Variants in DNAH14 observed in about 807,000 individuals in gnomAD.
DNAH14 encodes axonemal beta dynein heavy chain 14.
A neutral mutation model predicts 520.9 loss-of-function variants in DNAH14; 478 were observed. The observed-to-expected ratio is 0.92, with a 90% confidence interval of 0.85 to 0.99. The LOEUF (loss-of-function observed/expected upper bound fraction) is 0.99. Ranked by LOEUF, DNAH14 falls within the 50% of genes least tolerant of loss-of-function variation. DNAH14 has a pLI of 0.00. For synonymous variants in DNAH14, 1,581 were observed against 1,757.2 expected (o/e 0.90, Z 2.51); for missense variants, 4,831 against 5,234.5 (o/e 0.92, Z 2.38).
At chr1:225,384,992 A>G (rs2095823714) in intron 81 of DNAH14, among the ~76,000 whole-genome samples, 1 of 152,226 alleles carries the variant, frequency 6.6e-6, no homozygotes, top group Non-Finnish European at 1.5e-5. Context: ...AAATACTGGC[A>G]AACCGAATCC....
chr1:225,334,938 C>T lies in DNAH14; in HGVS notation c.10080+1432C>T, dbSNP rs76179936. Among the ~76,000 whole-genome samples the T allele has an allele frequency of 6.5e-3, 958 of 147,878 alleles. 10 individuals are homozygous for T. The highest frequency in any genetic ancestry group is 0.029 in the South Asian group (137 of 4,686). ...TGTATATGTATAGCATATATCTATA[C>T]GATATATGTAGAGACCTCAAGCAAT... On this transcript the variant is annotated intron_variant, in intron 66 of 85. Transcript: ENST00000682510.
chr1:225,246,799 A>G (rs1297875716), intron 43 of DNAH14, among the ~76,000 whole-genome samples: 3 of 152,194 alleles, frequency 2.0e-5, no homozygotes, highest in Non-Finnish European at 2.9e-5. Flanking sequence ...AATTAGCTCA[A>G]TCGTTGTGGA....
rs2095574465 is a variant in DNAH14 at position 225,368,032 on chromosome 1, G to T, written c.12318G>T (p.Gly4106=). 3 of 1,544,062 alleles carry T rather than the reference G, an allele frequency of 1.9e-6. No homozygotes were observed. The highest frequency in any genetic ancestry group is 2.6e-6 in the Non-Finnish European group (3 of 1,143,208). The change falls in exon 77 of 86, where the codon GGG becomes GGT. Residue 4106 remains glycine (G), a splice_region_variant and synonymous_variant. Coordinates refer to ENST00000682510, the MANE Select transcript of DNAH14 (RefSeq NM_001367479.1). ...ATAAATTTAATTCTTCAGACTTGGGGGTAAGTGTAGTCTCTTCAAACAAAC... is the reference window on the plus strand; with the variant it reads ...ATAAATTTAATTCTTCAGACTTGGGTGTAAGTGTAGTCTCTTCAAACAAAC... ...IAYKFNSSDL[G]VAIKVLENSL...
At chr1:225,291,136 C>T (rs183876000) in intron 55 of DNAH14, among the ~76,000 whole-genome samples, 4 of 152,194 alleles carry the variant, frequency 2.6e-5, no homozygotes, top group Non-Finnish European at 2.9e-5. Flanking sequence ...TGGTGTTTAA[C>T]TTTCTGTTCC....
intron 34 of DNAH14, among the ~76,000 whole-genome samples, chr1:225,157,423 A>C (rs1345446599): frequency 6.6e-6 from 1 of 152,240 alleles, no homozygotes; most frequent in Non-Finnish European, 1.5e-5. Flanking sequence ...TTAGATGTTG[A>C]CATTAATCTA....
At chr1:225,038,935 C>A (rs1266618514) in intron 12 of DNAH14, 112 bp downstream of exon 12, 4 of 891,642 alleles carry the variant, frequency 4.5e-6, no homozygotes, top group Admixed American at 3.7e-5. Context: ...ACCCAACATA[C>A]CCTCGCCAAC....
intron 22 of DNAH14, 121 bp from the exon 23 acceptor site, chr1:225,100,592 A>G: frequency 1.2e-6 from 1 of 816,050 alleles, no homozygotes; most frequent in South Asian, 2.5e-5. Context: ...TGATTTATCA[A>G]GAAAATTTAA....
chr1:224,946,369 C>A (rs375992600), intron 1 of DNAH14, among the ~76,000 whole-genome samples: 2 of 152,098 alleles, frequency 1.3e-5, no homozygotes, highest in African/African-American at 2.4e-5. Context: ...GGGAGTGACC[C>A]GATTTTCCAG....
At position 225,051,570 on chromosome 1, in the gene DNAH14, A is replaced by T. The variant is rs1391095851; in HGVS notation, c.2199A>T (p.Ser733=). 3.2e-6 allele frequency: 5 copies of T among 1,551,106 alleles called. No individual in the cohort carries two copies. The highest frequency in any genetic ancestry group is 1.4e-5 in the African/African-American group (1 of 73,160). ...CCAAAATCATGAGTATGAAAATATC[A>T]TCTATGGGAGAATTAACTTCAAAAG... ...EKAKIMSMKI[S]SMGELTSKEF... is the part of the protein sequence containing the mutation. The change falls in exon 17 of 86, where the codon TCA becomes TCT. Residue 733 remains serine, a synonymous_variant. Transcript: ENST00000682510.
chr1:225,342,268 A>G (rs2095202123), intron 69 of DNAH14, among the ~76,000 whole-genome samples: 1 of 152,174 alleles, frequency 6.6e-6, no homozygotes, highest in Non-Finnish European at 1.5e-5. Context: ...GGCATGAAGC[A>G]CCCATATCCT....
In DNAH14 at chr1:225,007,470, G is replaced by T; in HGVS notation, c.1033G>T (p.Ala345Ser). Residue 345 changes from alanine to serine, a missense_variant, in exon 10 of 86, where the codon GCT becomes TCT. Ala to Ser is a moderately conservative substitution (Grantham distance 99). Transcript: ENST00000682510. ...DEFCEEQLQQ[A>S]TQALKQLEDI... is the part of the protein sequence containing the mutation. ...ATTTTGTGAAGAGCAGTTACAGCAA[G>T]CTACCCAGGCATTGAAACAACTTGA... 1 of 1,541,934 alleles carries T rather than the reference G, an allele frequency of 6.5e-7. No homozygotes were observed. The highest frequency in any genetic ancestry group is 8.8e-7 in the Non-Finnish European group (1 of 1,141,422).
chr1:225,213,627 C>T (rs1319553587), intron 41 of DNAH14, among the ~76,000 whole-genome samples: 1 of 152,090 alleles, frequency 6.6e-6, no homozygotes, highest in Non-Finnish European at 1.5e-5. Context: ...CTTCACATCC[C>T]TTGTAAGTTG....
chr1:225,049,184 G>A (rs1243571317), intron 15 of DNAH14, among the ~76,000 whole-genome samples: 1 of 148,554 alleles, frequency 6.7e-6, no homozygotes, highest in Non-Finnish European at 1.5e-5. Context: ...TCAACCTCCT[G>A]AGTAGCTGGG....
intron 54 of DNAH14, among the ~76,000 whole-genome samples, chr1:225,278,405 T>G (rs1001682708): frequency 1.3e-5 from 2 of 152,156 alleles, no homozygotes; most frequent in African/African-American, 4.8e-5. Context: ...ACCTGCATAT[T>G]TCTCTGCATC....
intron 50 of DNAH14, among the ~76,000 whole-genome samples, chr1:225,271,690 A>C (rs2093319000): frequency 6.6e-6 from 1 of 152,172 alleles, no homozygotes; most frequent in South Asian, 2.1e-4. Flanking sequence ...ACCATTCAAG[A>C]GACTAGCACC....
At chr1:224,950,699 C>T (rs182854125) in intron 1 of DNAH14, among the ~76,000 whole-genome samples, 119 of 152,180 alleles carry the variant, frequency 7.8e-4, no homozygotes, top group African/African-American at 2.6e-3. Context: ...GATGGCCTAT[C>T]GGCCAAATCT....
At chr1:225,291,521 A>G (rs1241960813) in intron 55 of DNAH14, among the ~76,000 whole-genome samples, 2 of 152,026 alleles carry the variant, frequency 1.3e-5, no homozygotes, top group East Asian at 1.9e-4. Flanking sequence ...GGCTCAAGTG[A>G]TCCTCCCACC....
intron 60 of DNAH14, among the ~76,000 whole-genome samples, chr1:225,315,120 G>A (rs185205559): frequency 1.7e-3 from 252 of 152,046 alleles, no homozygotes; most frequent in African/African-American, 5.6e-3. Flanking sequence ...ATATTTCTTG[G>A]AGGCTTTGTT....
At chr1:225,150,780 A>G (rs943323698) in intron 31 of DNAH14, among the ~76,000 whole-genome samples, 1 of 152,006 alleles carries the variant, frequency 6.6e-6, no homozygotes, top group African/African-American at 2.4e-5. Context: ...CCCAAGCTGG[A>G]GTGCAGTGGC....
Sources: allele counts gnomAD v4.1 joint callset (sites outside exome capture counted in the v4.1 genomes callset), GRCh38; gene constraint gnomAD v4.1.1; transcripts MANE v1.5; gene names NCBI Gene and HGNC (gene_info 2026-07-23, HGNC 2026-07-21).